ZYG11A: variants seen among roughly 807,000 people sequenced by gnomAD.
ZYG11A encodes protein zyg-11 homolog A.
In ZYG11A, 62 loss-of-function variants were observed where a neutral mutation model predicts 77.2. The observed-to-expected ratio is 0.80, with a 90% CI of 0.65 to 0.99. The LOEUF (loss-of-function observed/expected upper bound fraction) is 0.99. ZYG11A is among the 50% of genes least tolerant of loss of function. ZYG11A has a pLI of 0.00. For missense variants in ZYG11A, 828 were observed against 896.8 expected (o/e 0.92, Z 0.98); for synonymous variants, 315 against 324.6 (o/e 0.97, Z 0.32).
At chr1:52,892,348 A>G (rs1646559275) in intron 13 of ZYG11A, among the ~76,000 whole-genome samples, 1 of 150,006 alleles carries the variant, frequency 6.7e-6, no homozygotes, top group African/African-American at 2.4e-5. Context: ...TAACACGGTG[A>G]AACTCCGTCT....
intron 5 of ZYG11A, among the ~76,000 whole-genome samples, chr1:52,865,704 A>G (rs1272704050): frequency 6.6e-6 from 1 of 152,186 alleles, no homozygotes; most frequent in Non-Finnish European, 1.5e-5. Context: ...AAACAGGCCA[A>G]ACTCAAAAGA....
chr1:52,867,056 A>G (rs1646040253), intron 6 of ZYG11A, among the ~76,000 whole-genome samples: 1 of 152,210 alleles, frequency 6.6e-6, no homozygotes, highest in African/African-American at 2.4e-5. Flanking sequence ...TCTCAGATTC[A>G]CAAGTTTTAA....
intron 10 of ZYG11A, among the ~76,000 whole-genome samples, chr1:52,880,571 CTTATATAT>C (rs1048970979): frequency 2.6e-5 from 4 of 152,070 alleles, no homozygotes; most frequent in Non-Finnish European, 5.9e-5. Context: ...TTACTATATA[CTTATATAT>C]ATGTATCTGT....
intron 8 of ZYG11A, among the ~76,000 whole-genome samples, chr1:52,873,706 C>A (rs530195996): frequency 8.6e-4 from 131 of 152,242 alleles, no homozygotes; most frequent in Admixed American, 2.5e-3. Flanking sequence ...AAGTTCTAGG[C>A]CAGGTGCGGT....
chr1:52,868,726 G>C (rs893820085), intron 8 of ZYG11A, among the ~76,000 whole-genome samples: 2 of 152,198 alleles, frequency 1.3e-5, no homozygotes, highest in Non-Finnish European at 2.9e-5. Flanking sequence ...GGTGGAGGTT[G>C]CAGTGAGCTA....
chr1:52,847,873 TTTATTTA>T (rs1350476816), intron 1 of ZYG11A, among the ~76,000 whole-genome samples: 8 of 96,112 alleles, frequency 8.3e-5, no homozygotes, highest in Middle Eastern at 4.8e-3. Flanking sequence ...TATTTATTTA[TTTATTTA>T]TTTTTTTGAG....
intron 8 of ZYG11A, among the ~76,000 whole-genome samples, chr1:52,870,706 C>T (rs943715685): frequency 1.3e-4 from 20 of 152,308 alleles, no homozygotes; most frequent in East Asian, 1.9e-4. Flanking sequence ...CAAAAAAATA[C>T]GAAAAACAGT....
At chr1:52,882,107 G>A (rs1646374461) in intron 11 of ZYG11A, among the ~76,000 whole-genome samples, 1 of 152,140 alleles carries the variant, frequency 6.6e-6, no homozygotes, top group African/African-American at 2.4e-5. Flanking sequence ...TGGCCAGGCT[G>A]TTCTCAAACT....
chr1:52,875,607 G>T (rs1455212244), intron 8 of ZYG11A, among the ~76,000 whole-genome samples: 1 of 151,352 alleles, frequency 6.6e-6, no homozygotes, highest in African/African-American at 2.4e-5. Context: ...GGAAGAGTGG[G>T]TGTATTTCTC....
chr1:52,888,017 G>A (rs1646479631), intron 13 of ZYG11A, among the ~76,000 whole-genome samples: 1 of 152,122 alleles, frequency 6.6e-6, no homozygotes, highest in Non-Finnish European at 1.5e-5. Context: ...TGTAAAGCAA[G>A]TGTATAAAAA....
At chr1:52,868,284 A>T (rs114463652) in intron 8 of ZYG11A, among the ~76,000 whole-genome samples, 1 of 152,086 alleles carries the variant, frequency 6.6e-6, no homozygotes, top group Non-Finnish European at 1.5e-5. Context: ...ATTTCTAAAT[A>T]AAATGCATAT....
In ZYG11A at chr1:52,894,678, A is replaced by G. The variant is rs940243313; in HGVS notation, c.*1721A>G. 6.6e-6 allele frequency: 1 copy of G among 152,182 alleles called. No homozygotes were observed. The highest frequency in any genetic ancestry group is 1.5e-5 in the Non-Finnish European group (1 of 68,040). 9.4% of individuals were successfully genotyped at this position (152,182 alleles called of 1,614,324 possible). ...AAATGAGGAAGAAGCTCATTCTCTT[A>G]CTCTAAACCATGTTCCAAACTATTA... On this transcript the variant is annotated 3_prime_UTR_variant, in exon 14 of 14. Transcript: ENST00000371528.
At chr1:52,880,066 C>CTTTTTT (rs10682296) in intron 10 of ZYG11A, among the ~76,000 whole-genome samples, 10 of 110,118 alleles carry the variant, frequency 9.1e-5, no homozygotes, top group African/African-American at 2.2e-4. Context: ...ACCCAGCCCA[C>CTTTTTT]TTTTTTTTTT....
intron 8 of ZYG11A, among the ~76,000 whole-genome samples, chr1:52,876,413 TGAGATACAGATAAAGA>T (rs1646262067): frequency 6.6e-6 from 1 of 152,068 alleles, no homozygotes; most frequent in African/African-American, 2.4e-5. Context: ...CAGGACTAGT[TGAGATACAGATAAAGA>T]GAGCAGGCCA....
chr1:52,881,541 GT>G lies in ZYG11A; in HGVS notation c.1823del (p.Leu608TyrfsTer17). The G allele has an allele frequency of 6.4e-7, 1 of 1,551,998 alleles. No homozygotes were observed. Among genetic ancestry groups the G allele is most frequent in the African/African-American group, 1.4e-5 (1 of 73,144 alleles). ...GAAGATGTGCTGAAGCATATCAACA[GT>G]TTACTCTGTAGCAGGGAAATGGAAG... ...VTEDVLKHIN[S>X]LLCSREMEVS... On this transcript the variant is annotated frameshift_variant, in exon 11 of 14. Transcript: ENST00000371528. LOFTEE classifies it high-confidence loss of function.
At chr1:52,861,754 A>G (rs1182017064) in intron 4 of ZYG11A, among the ~76,000 whole-genome samples, 1 of 152,160 alleles carries the variant, frequency 6.6e-6, no homozygotes, top group East Asian at 1.9e-4. Context: ...CAAAAGCTGT[A>G]TAAAGAAAAA....
At chr1:52,887,419 G>T (rs1331689819) in intron 13 of ZYG11A, among the ~76,000 whole-genome samples, 1 of 152,088 alleles carries the variant, frequency 6.6e-6, no homozygotes, top group African/African-American at 2.4e-5. Context: ...TTCTGTGCAT[G>T]CTGTCCTATA....
At chr1:52,862,835 G>A (rs1422449734) in intron 4 of ZYG11A, among the ~76,000 whole-genome samples, 2 of 152,168 alleles carry the variant, frequency 1.3e-5, no homozygotes, top group South Asian at 2.1e-4. Flanking sequence ...CTGGAGTGCA[G>A]TGGCATGATA....
chr1:52,852,087 TG>T (rs1441399189), intron 1 of ZYG11A, among the ~76,000 whole-genome samples: 16 of 151,990 alleles, frequency 1.1e-4, no homozygotes, highest in African/African-American at 3.9e-4. Context: ...GCTAATTTTT[TG>T]TATTTTTATT....
Sources: gnomAD v4.1 joint callset for allele counts (sites outside exome capture counted in the v4.1 genomes callset) on GRCh38, gnomAD v4.1.1 for gene constraint, MANE v1.5 for transcripts, NCBI Gene and HGNC (gene_info 2026-07-23, HGNC 2026-07-21) for gene names.